Variants in GLIS3 observed in about 807,000 individuals in gnomAD.
The protein encoded by GLIS3 is GLIS family zinc finger 3.
Under a neutral mutation model 78.6 loss-of-function variants are expected in GLIS3, and 53 were observed. The observed-to-expected ratio is 0.67, with a 90% CI of 0.54 to 0.85. The LOEUF is 0.85. Ranked by LOEUF, GLIS3 falls within the 40% of genes least tolerant of loss-of-function variation. The pLI is 0.00. For missense variants in GLIS3, 1,703 were observed against 1,231.1 expected (o/e 1.38, Z -5.74); for synonymous variants, 684 against 509.9 (o/e 1.34, Z -4.60).
intron 6 of GLIS3, among the ~76,000 whole-genome samples, chr9:3,925,570 G>T (rs1485247607): frequency 6.6e-6 from 1 of 152,086 alleles, no homozygotes; most frequent in African/African-American, 2.4e-5. Flanking sequence ...AGGTGAATGG[G>T]TGTGTCTACA....
chr9:4,280,770 C>G (rs767874883), intron 2 of GLIS3, among the ~76,000 whole-genome samples: 1 of 151,828 alleles, frequency 6.6e-6, no homozygotes, highest in Non-Finnish European at 1.5e-5. Flanking sequence ...AGAAGGCAGA[C>G]TAGATAGCTG....
intron 2 of GLIS3, among the ~76,000 whole-genome samples, chr9:4,345,096 GT>G (rs1817881276): frequency 6.6e-6 from 1 of 152,088 alleles, no homozygotes; most frequent in African/African-American, 2.4e-5. Context: ...CTCTATTCAA[GT>G]CTCCGCAAGT....
chr9:4,293,929 T>A (rs1009862427), intron 1 of GLIS3, among the ~76,000 whole-genome samples: 1 of 152,254 alleles, frequency 6.6e-6, no homozygotes, highest in Non-Finnish European at 1.5e-5. Context: ...TGCCCTCAGC[T>A]ACTGAGAACC....
upstream of GLIS3, among the ~76,000 whole-genome samples, chr9:4,350,628 A>G (rs1817956975): frequency 6.6e-6 from 1 of 152,322 alleles, no homozygotes; most frequent in African/African-American, 2.4e-5. Flanking sequence ...TTCTTCCAGA[A>G]TCCAAAATGT....
At chr9:4,102,311 T>C (rs1296630418) in intron 4 of GLIS3, among the ~76,000 whole-genome samples, 1 of 152,170 alleles carries the variant, frequency 6.6e-6, no homozygotes, top group Non-Finnish European at 1.5e-5. Context: ...AGGGTCCTTG[T>C]GAGGCTGGGG....
the GLIS3 span, among the ~76,000 whole-genome samples, chr9:4,459,892 G>A: frequency 1.3e-5 from 2 of 152,326 alleles, no homozygotes; most frequent in South Asian, 2.1e-4. Flanking sequence ...GAATGATGGA[G>A]AAAAATGAAG....
chr9:4,339,170 T>C (rs962006101), intron 2 of GLIS3, among the ~76,000 whole-genome samples: 1 of 152,204 alleles, frequency 6.6e-6, no homozygotes, highest in African/African-American at 2.4e-5. Flanking sequence ...TTTGGTGGCA[T>C]AGATAGAATT....
At chr9:3,907,797 G>C (rs150547172) in intron 6 of GLIS3, among the ~76,000 whole-genome samples, 5 of 152,086 alleles carry the variant, frequency 3.3e-5, no homozygotes, top group South Asian at 4.1e-4. Context: ...ATCCTCTCCT[G>C]AGTTCTCTTG....
intron 4 of GLIS3, among the ~76,000 whole-genome samples, chr9:4,028,745 T>A (rs894675631): frequency 1.9e-4 from 29 of 152,178 alleles, no homozygotes; most frequent in Admixed American, 1.7e-3. Flanking sequence ...CACATACAAG[T>A]GGCAAATGGA....
intron 2 of GLIS3, among the ~76,000 whole-genome samples, chr9:4,255,828 A>G (rs372308023): frequency 1.2e-4 from 19 of 152,256 alleles, no homozygotes; most frequent in South Asian, 6.2e-4. Flanking sequence ...AGAATGTACA[A>G]TAAGAGTGAA....
At chr9:4,144,171 C>T (rs1420181028) in intron 2 of GLIS3, among the ~76,000 whole-genome samples, 1 of 152,132 alleles carries the variant, frequency 6.6e-6, no homozygotes. Flanking sequence ...TGTCATCTGA[C>T]ACCACAGCGC....
chr9:4,262,933 C>CAAA (rs34292499), intron 2 of GLIS3, among the ~76,000 whole-genome samples: 28 of 97,852 alleles, frequency 2.9e-4, no homozygotes, highest in African/African-American at 3.8e-4. Flanking sequence ...GTGTTTGCCT[C>CAAA]AAAAAAAAAA....
chr9:4,296,575 G>C (rs1816524632), intron 1 of GLIS3, among the ~76,000 whole-genome samples: 1 of 152,102 alleles, frequency 6.6e-6, no homozygotes, highest in Admixed American at 6.5e-5. Flanking sequence ...CTGATAACCT[G>C]CCTACTAAGG....
upstream of GLIS3, among the ~76,000 whole-genome samples, chr9:4,349,073 A>T (rs1296984417): frequency 6.6e-6 from 1 of 152,246 alleles, no homozygotes; most frequent in Non-Finnish European, 1.5e-5. Context: ...ATGCAACATA[A>T]AAATAGGAGA....
chr9:4,295,728 T>G (rs1376106301), intron 1 of GLIS3, among the ~76,000 whole-genome samples: 3 of 152,188 alleles, frequency 2.0e-5, no homozygotes, highest in Non-Finnish European at 2.9e-5. Flanking sequence ...TGCAAAAAAA[T>G]GCATCGAGCT....
chr9:4,376,757 A>G, the GLIS3 span, among the ~76,000 whole-genome samples: 2 of 136,100 alleles, frequency 1.5e-5, no homozygotes, highest in African/African-American at 5.2e-5. Context: ...AAATATGAGA[A>G]AAAAGTTTTA....
chr9:4,076,956 G>A (rs1022149371), intron 4 of GLIS3, among the ~76,000 whole-genome samples: 2 of 152,180 alleles, frequency 1.3e-5, no homozygotes, highest in Non-Finnish European at 2.9e-5. Flanking sequence ...CTACTTGGGA[G>A]GTTGAGGTGG....
At chr9:4,228,214 AAAAAG>A (rs1821944760) in intron 2 of GLIS3, among the ~76,000 whole-genome samples, 3 of 149,856 alleles carry the variant, frequency 2.0e-5, no homozygotes, top group Non-Finnish European at 4.5e-5. Flanking sequence ...AAAAAAAAAA[AAAAAG>A]AAGAAGATGG....
upstream of GLIS3, among the ~76,000 whole-genome samples, chr9:4,349,661 C>T (rs1817938461): frequency 6.6e-6 from 1 of 152,112 alleles, no homozygotes; most frequent in Non-Finnish European, 1.5e-5. Flanking sequence ...TCCAGGACTT[C>T]CAGACAAGAG....
Sources: gnomAD v4.1 joint callset for allele counts (sites outside exome capture counted in the v4.1 genomes callset) on GRCh38, gnomAD v4.1.1 for gene constraint, MANE v1.5 for transcripts, NCBI Gene and HGNC (gene_info 2026-07-23, HGNC 2026-07-21) for gene names.